Variants in SPAG16 observed in about 807,000 individuals in gnomAD.
The protein encoded by SPAG16 is sperm associated antigen 16.
A neutral mutation model predicts 80.4 loss-of-function variants in SPAG16; 86 were observed. The observed-to-expected ratio is 1.07, with a 90% CI of 0.90 to 1.28. The LOEUF is 1.28. Among genes scored for constraint, SPAG16 ranks in the 50% most tolerant of loss-of-function variants. SPAG16 has a pLI of 0.00. For missense variants in SPAG16, 870 were observed against 765.3 expected (o/e 1.14, Z -1.61); for synonymous variants, 294 against 265.9 (o/e 1.11, Z -1.03).
At chr2:213,295,917 A>C in intron 1 of SPAG16, 147 bp from the exon 2 acceptor site, 1 of 557,768 alleles carries the variant, frequency 1.8e-6, no homozygotes, top group Non-Finnish European at 3.1e-6. Flanking sequence ...TATGGGGAAG[A>C]CAAATTTTTT....
intron 15 of SPAG16, among the ~76,000 whole-genome samples, chr2:214,173,432 G>T (rs550554938): frequency 6.6e-6 from 1 of 151,874 alleles, no homozygotes; most frequent in African/African-American, 2.4e-5. Context: ...ATTTCTGAGG[G>T]CTCTGTTCTG....
intron 9 of SPAG16, among the ~76,000 whole-genome samples, chr2:213,474,712 A>T (rs1403967767): frequency 1.3e-5 from 2 of 152,260 alleles, no homozygotes; most frequent in African/African-American, 4.8e-5. Flanking sequence ...TCTATCCTTA[A>T]TATTCTGTTC....
Position 213,877,932 on chromosome 2 carries a change from A to G in SPAG16, c.1214+15304A>G, listed in dbSNP as rs191641323. 1.2e-3 allele frequency among the ~76,000 whole-genome samples: 178 copies of G among 152,290 alleles called. 1 individual carries two copies. Among genetic ancestry groups the G allele is most frequent in the Non-Finnish European group, 3.8e-4 (26 of 68,020 alleles). On this transcript the variant is annotated intron_variant, in intron 11 of 15. Coordinates refer to ENST00000331683, the MANE Select transcript of SPAG16 (RefSeq NM_024532.5). ...CTGTCACTATCTGTTATTTATGGAA[A>G]GACAAAAGTGATACTCAGTGTATCA...
intron 8 of SPAG16, among the ~76,000 whole-genome samples, chr2:213,367,191 T>C (rs2066349433): frequency 2.6e-5 from 4 of 151,958 alleles, no homozygotes; most frequent in Admixed American, 2.6e-4. Flanking sequence ...CTATCATTGA[T>C]GGACATTTGG....
intron 9 of SPAG16, among the ~76,000 whole-genome samples, chr2:213,418,941 T>C (rs2069426401): frequency 6.6e-6 from 1 of 151,614 alleles, no homozygotes; most frequent in African/African-American, 2.4e-5. Context: ...TTCTTACTCT[T>C]ACCCAGTATT....
intron 14 of SPAG16, among the ~76,000 whole-genome samples, chr2:214,120,181 C>A (rs2054146215): frequency 6.6e-6 from 1 of 151,666 alleles, no homozygotes; most frequent in African/African-American, 2.4e-5. Flanking sequence ...TGAATCTTCT[C>A]ATTCACTTCA....
chr2:213,639,841 A>G (rs112654649), intron 10 of SPAG16, among the ~76,000 whole-genome samples: 1,972 of 152,276 alleles, frequency 0.013, 48 homozygotes, highest in African/African-American at 0.044. Context: ...AAGTTTTCCA[A>G]ACTTTTAGAT....
chr2:213,921,396 C>A (rs1000734638), intron 11 of SPAG16, among the ~76,000 whole-genome samples: 9 of 152,032 alleles, frequency 5.9e-5, no homozygotes, highest in African/African-American at 1.9e-4. Context: ...TGATTTTTCC[C>A]CATTCCTTTA....
chr2:214,254,285 C>G (rs1419125198), intron 15 of SPAG16, among the ~76,000 whole-genome samples: 8 of 152,124 alleles, frequency 5.3e-5, no homozygotes, highest in Non-Finnish European at 1.0e-4. Context: ...ATTTCTTTCT[C>G]TTGCCTGATT....
chr2:214,310,986 C>A (rs574393297), intron 15 of SPAG16, among the ~76,000 whole-genome samples: 45 of 152,272 alleles, frequency 3.0e-4, no homozygotes, highest in African/African-American at 1.1e-3. Flanking sequence ...CACAGCTATC[C>A]CAAAAAATGC....
chr2:213,785,436 A>G (rs2070277600), intron 10 of SPAG16, among the ~76,000 whole-genome samples: 1 of 152,314 alleles, frequency 6.6e-6, no homozygotes, highest in South Asian at 2.1e-4. Context: ...TTCATTTCAT[A>G]TTAACATTCT....
intron 6 of SPAG16, among the ~76,000 whole-genome samples, chr2:213,345,763 G>A (rs4374320): frequency 0.97 from 147,567 of 151,476 alleles, 71,991 homozygotes; most frequent in East Asian, 1. Context: ...TACCAGTACC[G>A]TGCTGTTTTG....
At chr2:213,532,041 T>C (rs2076088371) in intron 10 of SPAG16, among the ~76,000 whole-genome samples, 1 of 152,224 alleles carries the variant, frequency 6.6e-6, no homozygotes, top group African/African-American at 2.4e-5. Flanking sequence ...CATCAAGAAA[T>C]TCTTTTATTC....
intron 15 of SPAG16, among the ~76,000 whole-genome samples, chr2:214,162,693 C>T (rs11895383): frequency 0.26 from 39,786 of 151,930 alleles, 6,095 homozygotes; most frequent in African/African-American, 0.42. Context: ...TCTGATCTAG[C>T]ACAATACTGT....
chr2:213,760,613 A>G (rs1043868140), intron 10 of SPAG16, among the ~76,000 whole-genome samples: 1 of 152,146 alleles, frequency 6.6e-6, no homozygotes, highest in African/African-American at 2.4e-5. Context: ...TCAAGTGTAC[A>G]TGGTACATTT....
chr2:213,731,575 C>A (rs1199967286), intron 10 of SPAG16, among the ~76,000 whole-genome samples: 1 of 152,026 alleles, frequency 6.6e-6, no homozygotes, highest in Non-Finnish European at 1.5e-5. Flanking sequence ...CAGATCATCC[C>A]ATCACCCAGG....
intron 15 of SPAG16, among the ~76,000 whole-genome samples, chr2:214,344,138 T>C (rs1276113044): frequency 6.6e-6 from 1 of 152,136 alleles, no homozygotes; most frequent in Non-Finnish European, 1.5e-5. Flanking sequence ...AGTATCAGTA[T>C]GTATTGGAAA....
chr2:213,942,053 G>A (rs1020377740), intron 12 of SPAG16, among the ~76,000 whole-genome samples: 3 of 151,914 alleles, frequency 2.0e-5, no homozygotes, highest in South Asian at 4.1e-4. Flanking sequence ...TTTTGCCCTT[G>A]ATAATAGCCT....
chr2:213,893,099 C>G (rs1056584221), intron 11 of SPAG16, among the ~76,000 whole-genome samples: 6 of 152,028 alleles, frequency 3.9e-5, no homozygotes, highest in Non-Finnish European at 7.4e-5. Flanking sequence ...TTCCAGTTCA[C>G]CTGGAAACAG....
Sources: gnomAD v4.1 joint callset for allele counts (sites outside exome capture counted in the v4.1 genomes callset) on GRCh38, gnomAD v4.1.1 for gene constraint, MANE v1.5 for transcripts, NCBI Gene and HGNC (gene_info 2026-07-23, HGNC 2026-07-21) for gene names.